Variants in MACROD2 observed in about 807,000 individuals in gnomAD.
MACROD2 encodes ADP-ribose glycohydrolase MACROD2.
A neutral mutation model predicts 70.4 loss-of-function variants in MACROD2; 36 were observed. That is an observed-to-expected ratio of 0.51 (90% CI 0.39 to 0.68). The LOEUF (loss-of-function observed/expected upper bound fraction) is 0.68. Among genes scored for constraint, MACROD2 ranks in the 30% least tolerant of loss-of-function variants. The pLI, the probability that MACROD2 is intolerant of heterozygous loss-of-function variation, is 0.00. For missense variants in MACROD2, 496 were observed against 538.4 expected (o/e 0.92, Z 0.78); for synonymous variants, 172 against 178.8 (o/e 0.96, Z 0.30).
At chr20:14,863,743 A>G (rs1242974934) in intron 5 of MACROD2, among the ~76,000 whole-genome samples, 3 of 152,150 alleles carry the variant, frequency 2.0e-5, no homozygotes, top group Admixed American at 6.6e-5. Context: ...CATCAATACT[A>G]TTAAAGAGGA....
At chr20:15,665,656 C>T (rs991121101) in intron 8 of MACROD2, among the ~76,000 whole-genome samples, 7 of 152,168 alleles carry the variant, frequency 4.6e-5, no homozygotes, top group African/African-American at 7.2e-5. Flanking sequence ...ACATATATTT[C>T]AGTCTCCAGA....
At chr20:15,996,883 G>T (rs549840370) in intron 15 of MACROD2, among the ~76,000 whole-genome samples, 16 of 152,112 alleles carry the variant, frequency 1.1e-4, no homozygotes, top group Non-Finnish European at 2.2e-4. Context: ...TCTGTGAGTG[G>T]TATAAGACAG....
At chr20:14,263,480 G>A (rs927497255) in intron 3 of MACROD2, among the ~76,000 whole-genome samples, 21 of 152,104 alleles carry the variant, frequency 1.4e-4, no homozygotes, top group Non-Finnish European at 2.6e-4. Context: ...GAATGTCCTA[G>A]CTTCTCTCCA....
intron 8 of MACROD2, among the ~76,000 whole-genome samples, chr20:15,627,954 T>C (rs1178766857): frequency 1.3e-5 from 2 of 152,228 alleles, no homozygotes; most frequent in African/African-American, 2.4e-5. Context: ...CTCACTGTTA[T>C]AATTCTTGCA....
chr20:15,031,638 A>T (rs554482598), intron 5 of MACROD2, among the ~76,000 whole-genome samples: 1 of 152,222 alleles, frequency 6.6e-6, no homozygotes, highest in Admixed American at 6.5e-5. Context: ...CCTGAAATGG[A>T]TAGTTGATTC....
intron 4 of MACROD2, among the ~76,000 whole-genome samples, chr20:14,546,624 T>C (rs2085494047): frequency 1.3e-5 from 2 of 152,176 alleles, no homozygotes; most frequent in African/African-American, 2.4e-5. Context: ...GCCTTTTTAC[T>C]CAACTCTTCC....
intron 5 of MACROD2, among the ~76,000 whole-genome samples, chr20:15,155,662 T>C (rs377136004): frequency 4.6e-5 from 7 of 152,166 alleles, no homozygotes; most frequent in South Asian, 2.1e-4. Context: ...GAACAGGAGC[T>C]CCCTGAGTGT....
intron 6 of MACROD2, among the ~76,000 whole-genome samples, chr20:15,303,355 A>G (rs2077665102): frequency 6.6e-6 from 1 of 152,158 alleles, no homozygotes; most frequent in Non-Finnish European, 1.5e-5. Context: ...CCTCACAGGA[A>G]CACAACATTC....
intron 6 of MACROD2, among the ~76,000 whole-genome samples, chr20:15,351,458 G>A (rs2146224519): frequency 6.6e-6 from 1 of 152,244 alleles, no homozygotes. Context: ...ACCTCTGTGT[G>A]TTGTTACATA....
At chr20:15,240,142 T>C (rs1053293095) in intron 6 of MACROD2, among the ~76,000 whole-genome samples, 15 of 152,206 alleles carry the variant, frequency 9.9e-5, no homozygotes, top group Admixed American at 2.0e-4. Flanking sequence ...GGTGACATGA[T>C]TCATGCTTCT....
chr20:15,092,496 G>A (rs1208117968), intron 5 of MACROD2, among the ~76,000 whole-genome samples: 1 of 149,530 alleles, frequency 6.7e-6, no homozygotes, highest in Non-Finnish European at 1.5e-5. Flanking sequence ...ATACAAGCTG[G>A]CCTTGGAAAG....
At chr20:14,509,011 C>A (rs2085000050) in intron 4 of MACROD2, among the ~76,000 whole-genome samples, 1 of 152,066 alleles carries the variant, frequency 6.6e-6, no homozygotes, top group Admixed American at 6.6e-5. Context: ...GAATCATATG[C>A]AACCATTAAA....
intron 4 of MACROD2, among the ~76,000 whole-genome samples, chr20:14,553,177 C>G (rs1978776569): frequency 6.7e-6 from 1 of 149,388 alleles, no homozygotes; most frequent in South Asian, 2.1e-4. Context: ...ATTAAAATTT[C>G]TTTTTTTTTA....
chr20:14,086,011 CT>C (rs1297557364), intron 3 of MACROD2, among the ~76,000 whole-genome samples: 7 of 152,128 alleles, frequency 4.6e-5, no homozygotes, highest in Non-Finnish European at 8.8e-5. Context: ...TCAGAAAGAA[CT>C]TTAGCAAGTA....
At chr20:14,742,772 TA>T (rs940756695) in intron 5 of MACROD2, among the ~76,000 whole-genome samples, 6 of 138,682 alleles carry the variant, frequency 4.3e-5, no homozygotes, top group African/African-American at 7.6e-5. Context: ...TATTTTATTT[TA>T]TTTTTTTTTT....
chr20:14,683,690 C>G (rs183413810), intron 4 of MACROD2, among the ~76,000 whole-genome samples: 45 of 152,184 alleles, frequency 3.0e-4, no homozygotes, highest in African/African-American at 9.4e-4. Flanking sequence ...ATAGCCTGTC[C>G]CATATCCAGC....
intron 5 of MACROD2, among the ~76,000 whole-genome samples, chr20:15,137,436 A>G (rs1027136705): frequency 6.6e-6 from 1 of 151,408 alleles, no homozygotes; most frequent in Non-Finnish European, 1.5e-5. Flanking sequence ...GGAAATCATC[A>G]TTCTCAGTAA....
chr20:15,803,418 G>T (rs1306727395), intron 8 of MACROD2, among the ~76,000 whole-genome samples: 1 of 152,056 alleles, frequency 6.6e-6, no homozygotes, highest in Non-Finnish European at 1.5e-5. Context: ...TGGATGAAAA[G>T]AAAGAGAAAA....
At chr20:14,862,194 C>T (rs868626226) in intron 5 of MACROD2, among the ~76,000 whole-genome samples, 10 of 3,162 alleles carry the variant, frequency 3.2e-3, no homozygotes, top group African/African-American at 9.3e-3. Context: ...TATATTTATA[C>T]ATAAATATAT....
Sources: allele counts gnomAD v4.1 joint callset (sites outside exome capture counted in the v4.1 genomes callset), GRCh38; gene constraint gnomAD v4.1.1; transcripts MANE v1.5; gene names NCBI Gene and HGNC (gene_info 2026-07-23, HGNC 2026-07-21).